Variants in KRT8 observed in about 807,000 individuals in gnomAD.
The protein encoded by KRT8 is keratin 8.
A neutral mutation model predicts 43.0 loss-of-function variants in KRT8; 24 were observed. That is an observed-to-expected ratio of 0.56 (90% CI 0.40 to 0.78). The LOEUF (loss-of-function observed/expected upper bound fraction) is 0.78. Among genes scored for constraint, KRT8 ranks in the 30% least tolerant of loss-of-function variants. KRT8 has a pLI of 0.00. For missense variants in KRT8, 492 were observed against 638.4 expected (o/e 0.77, Z 2.47); for synonymous variants, 214 against 261.2 (o/e 0.82, Z 1.74).
At chr12:52,946,344 C>T (rs1413441834) in intron 2 of KRT8, among the ~76,000 whole-genome samples, 1 of 152,282 alleles carries the variant, frequency 6.6e-6, no homozygotes, top group Non-Finnish European at 1.5e-5. Context: ...CCTTTATCTG[C>T]CCTCCTGTAT....
At chr12:52,906,478 T>A (rs2120592941), upstream of KRT8, 1 of 337,256 alleles carries the variant, frequency 3.0e-6, no homozygotes, top group African/African-American at 2.2e-5. Context: ...TGTCTCCCAT[T>A]ATCAAAGTGA....
intron 2 of KRT8, chr12:52,926,336 T>TCCCCCCCCCCCC: frequency 5.2e-6 from 2 of 385,520 alleles, no homozygotes; most frequent in East Asian, 5.4e-5. Flanking sequence ...CTAGCTGCCC[T>TCCCCCCCCCCCC]CCCCACCCCA....
At chr12:52,901,543 G>A (rs1941370032) in intron 2 of KRT8, 2 of 554,314 alleles carry the variant, frequency 3.6e-6, no homozygotes, top group Non-Finnish European at 6.5e-6. Context: ...GACTAAAGAG[G>A]GGCCAGAATG....
At chr12:52,936,267 A>T (rs1447908715) in intron 2 of KRT8, among the ~76,000 whole-genome samples, 1 of 152,078 alleles carries the variant, frequency 6.6e-6, no homozygotes, top group African/African-American at 2.4e-5. Context: ...AACAAAAAAA[A>T]AATTCTAAAT....
exon 2 of KRT8, chr12:52,949,508 T>A: frequency 1.9e-6 from 3 of 1,613,446 alleles, no homozygotes; most frequent in Non-Finnish European, 2.5e-6. Flanking sequence ...GAGAGCAAAA[T>A]CCGGGAGCAC....
intron 2 of KRT8, among the ~76,000 whole-genome samples, chr12:52,936,758 G>T (rs1021425594): frequency 1.3e-5 from 2 of 152,196 alleles, no homozygotes; most frequent in Admixed American, 1.3e-4. Flanking sequence ...CAGGTGATCC[G>T]CCCGTCTTGG....
intron 2 of KRT8, among the ~76,000 whole-genome samples, chr12:52,918,380 G>A (rs1434204990): frequency 1.3e-5 from 2 of 152,040 alleles, no homozygotes; most frequent in African/African-American, 2.4e-5. Context: ...TACTGTATGC[G>A]CTGCATGCAT....
chr12:52,926,569 A>G, intron 2 of KRT8: 2 of 968,908 alleles, frequency 2.1e-6, no homozygotes, highest in Non-Finnish European at 1.6e-6. Context: ...GCTTTGTTAC[A>G]CCCCTGGGCT....
intron 2 of KRT8, among the ~76,000 whole-genome samples, chr12:52,945,254 G>A (rs1942326409): frequency 1.3e-5 from 2 of 152,076 alleles, no homozygotes. Context: ...ACCCTCCACT[G>A]AGAGTAGCTG....
intron 2 of KRT8, chr12:52,926,332 G>GCCCACCCCC: frequency 6.7e-6 from 4 of 600,256 alleles, no homozygotes; most frequent in Non-Finnish European, 1.2e-5. Flanking sequence ...GGCACTAGCT[G>GCCCACCCCC]CCCTCCCCAC....
intron 2 of KRT8, chr12:52,926,330 C>A: frequency 2.7e-6 from 2 of 746,794 alleles, no homozygotes; most frequent in South Asian, 3.0e-5. Flanking sequence ...CTGGCACTAG[C>A]TGCCCTCCCC....
chr12:52,905,208 C>T (rs919518398), upstream of KRT8: 55 of 713,602 alleles, frequency 7.7e-5, 1 homozygote, highest in African/African-American at 8.9e-4. Context: ...GTGGGGGCAG[C>T]AGAGAGCTGC....
At chr12:52,917,716 A>AG (rs58430869) in intron 2 of KRT8, among the ~76,000 whole-genome samples, 4 of 147,400 alleles carry the variant, frequency 2.7e-5, no homozygotes, top group East Asian at 2.0e-4. Context: ...CTCAAAAAAA[A>AG]AAAAAAAAAA....
rs758054056 is a variant in KRT8, at chr12:52,900,548, A to C, written c.690+40T>G. 3.0e-6 allele frequency: 4 copies of C among 1,348,414 alleles called. No homozygotes were observed. In the South Asian group the frequency reaches 4.7e-5, roughly 16 times the overall value. 83.5% of individuals were successfully genotyped at this position (1,348,414 alleles called of 1,614,324 possible). A position where few individuals can be genotyped will look rare whatever the true frequency, so the allele number is the denominator to read the frequency against. On this transcript the variant is annotated intron_variant, in intron 4 of 7. Coordinates refer to ENST00000692008, the Ensembl canonical transcript of KRT8. The stretch of plus-strand genomic sequence containing the variant: ...GAGTCTCAGGGTGGAGGCGCTGACA[A>C]GGCTGGGGGACCCTCACTCTCCTGC...
intron 2 of KRT8, among the ~76,000 whole-genome samples, chr12:52,920,673 T>C (rs945564510): frequency 2.0e-5 from 3 of 152,142 alleles, no homozygotes; most frequent in African/African-American, 4.8e-5. Context: ...TCCACAGCAT[T>C]AGAAAGACAT....
intron 1 of KRT8, chr12:52,902,316 G>A: frequency 1.8e-6 from 1 of 541,534 alleles, no homozygotes; most frequent in Non-Finnish European, 3.3e-6. Flanking sequence ...AGGTAATTAT[G>A]TTAAAGCTGC....
intron 4 of KRT8, 32 bp from the exon 5 acceptor site, chr12:52,900,097 T>C: frequency 6.2e-7 from 1 of 1,609,576 alleles, no homozygotes; most frequent in Non-Finnish European, 8.5e-7. Flanking sequence ...GGTGAGGCCC[T>C]GTCTCTGCAC....
At chr12:52,934,037 G>A (rs1942126631) in intron 2 of KRT8, among the ~76,000 whole-genome samples, 1 of 149,260 alleles carries the variant, frequency 6.7e-6, no homozygotes, top group African/African-American at 2.5e-5. Flanking sequence ...AGACCAGCCT[G>A]GCCAACATGG....
chr12:52,941,135 T>G (rs889823450), intron 2 of KRT8, among the ~76,000 whole-genome samples: 4 of 150,286 alleles, frequency 2.7e-5, no homozygotes, highest in Admixed American at 2.7e-4. Context: ...GGCGCGATCT[T>G]GGCTCACCAC....
Sources: allele counts gnomAD v4.1 joint callset (sites outside exome capture counted in the v4.1 genomes callset), GRCh38; gene constraint gnomAD v4.1.1; transcripts MANE v1.5; gene names NCBI Gene and HGNC (gene_info 2026-07-23, HGNC 2026-07-21).